Variants in KANK4 observed in about 807,000 individuals in gnomAD.
KANK4 encodes KN motif and ankyrin repeat domains 4.
In KANK4, 50 loss-of-function variants were observed where a neutral mutation model predicts 80.8. That is an observed-to-expected ratio of 0.62 (90% CI 0.49 to 0.78). The LOEUF (loss-of-function observed/expected upper bound fraction) is 0.78, where lower values mean the gene tolerates loss of function less well. Ranked by LOEUF, KANK4 falls within the 30% of genes least tolerant of loss-of-function variation. The pLI, the probability that KANK4 is intolerant of heterozygous loss-of-function variation, is 0.00. For synonymous variants in KANK4, 465 were observed against 506.9 expected, an observed-to-expected ratio of 0.92 and a Z score of 1.11; for missense variants, 1,196 against 1,240.1, an observed-to-expected ratio of 0.96 and a Z score of 0.53.
At chr1:62,250,126 T>C (rs1238396248) in intron 8 of KANK4, among the ~76,000 whole-genome samples, 5 of 152,060 alleles carry the variant, frequency 3.3e-5, no homozygotes, top group Non-Finnish European at 1.5e-5. Context: ...TAGCTGGGAA[T>C]ACAGGCGTGC....
rs548565362 is a variant in KANK4, at chr1:62,274,495, G to C, written c.609C>G (p.Thr203=). 1.2e-6 allele frequency: 2 copies of C among 1,614,204 alleles called. No homozygotes were observed. Among genetic ancestry groups the C allele is most frequent in the Admixed American group, 3.3e-5 (2 of 60,024 alleles). ...LQGEGSVCDG[T]FEPAEGLAGF... is the part of the protein sequence containing the mutation. ...CTGCCAATCCTTCTGCAGGTTCAAA[G>C]GTGCCATCACAGACACTGCCTTCAC... The change falls in exon 3 of 10, where the codon ACC becomes ACG. Residue 203 remains threonine, a synonymous_variant. Transcript: ENST00000371153.
At chr1:62,288,854 T>C (rs1427924698) in intron 1 of KANK4, among the ~76,000 whole-genome samples, 1 of 152,160 alleles carries the variant, frequency 6.6e-6, no homozygotes, top group Non-Finnish European at 1.5e-5. Context: ...AAACTGCCAA[T>C]TGCCAAATGA....
chr1:62,314,443 G>A (rs901927058), intron 1 of KANK4, among the ~76,000 whole-genome samples: 2 of 152,170 alleles, frequency 1.3e-5, no homozygotes, highest in African/African-American at 4.8e-5. Context: ...GCTGCCTGGT[G>A]CCCTGCTAGG....
At chr1:62,260,742 T>A (rs1323572678) in intron 7 of KANK4, among the ~76,000 whole-genome samples, 3 of 152,152 alleles carry the variant, frequency 2.0e-5, no homozygotes, top group African/African-American at 7.2e-5. Flanking sequence ...CAGTTGACAA[T>A]CTTTGTTTTT....
At chr1:62,307,461 G>A (rs1358484233) in intron 1 of KANK4, among the ~76,000 whole-genome samples, 8 of 114,100 alleles carry the variant, frequency 7.0e-5, no homozygotes, top group African/African-American at 2.9e-4. Context: ...CAGCCTGGGT[G>A]ACAGAAAGAG....
chr1:62,302,321 A>G (rs12044289), intron 1 of KANK4, among the ~76,000 whole-genome samples: 45,657 of 151,898 alleles, frequency 0.3, 7,590 homozygotes, highest in East Asian at 0.63. Flanking sequence ...TCTAGATGCA[A>G]GAAAGAGGAG....
At chr1:62,283,793 C>T (rs1021071602) in intron 1 of KANK4, among the ~76,000 whole-genome samples, 4 of 152,134 alleles carry the variant, frequency 2.6e-5, no homozygotes, top group African/African-American at 7.2e-5. Flanking sequence ...TTCAATCACA[C>T]GCCTAGCCTT....
At chr1:62,311,251 C>T (rs187032038) in intron 1 of KANK4, among the ~76,000 whole-genome samples, 156 of 146,634 alleles carry the variant, frequency 1.1e-3, no homozygotes, top group Admixed American at 3.2e-3. Context: ...CTCGGGTACC[C>T]TAGAGCAAGT....
At chr1:62,263,563 A>G (rs1035411350) in intron 6 of KANK4, 3 of 462,424 alleles carry the variant, frequency 6.5e-6, no homozygotes, top group African/African-American at 6.1e-5. Flanking sequence ...CAAGGCACTT[A>G]ACTGGAAAAA....
At chr1:62,292,434 G>A (rs1672698057) in intron 1 of KANK4, among the ~76,000 whole-genome samples, 1 of 152,096 alleles carries the variant, frequency 6.6e-6, no homozygotes, top group African/African-American at 2.4e-5. Flanking sequence ...CACTTGACTA[G>A]ACCAGTATTT....
At position 62,268,214 on chromosome 1, in the gene KANK4, C is replaced by T. The variant is rs944066698; in HGVS notation, c.2231+73G>A. On this transcript the variant is annotated intron_variant, in intron 5 of 9. Transcript: ENST00000371153. ...GGGTACATGAATGAACAAATGATCG[C>T]ATGAACGGGTAGATATATGCCCTTG... The T allele has an allele frequency of 8.5e-6, 10 of 1,171,812 alleles. No individual in the cohort carries two copies. In the African/African-American group the frequency reaches 1.1e-4, roughly 12 times the overall value. 72.6% of individuals were successfully genotyped at this position (1,171,812 alleles called of 1,614,324 possible).
intron 2 of KANK4, among the ~76,000 whole-genome samples, chr1:62,279,347 A>G (rs1028360215): frequency 6.6e-6 from 1 of 152,188 alleles, no homozygotes; most frequent in Non-Finnish European, 1.5e-5. Flanking sequence ...GTTTGAGCTG[A>G]TAAGCTGAGA....
intron 3 of KANK4, chr1:62,272,495 G>A (rs984471715): frequency 6.6e-6 from 1 of 152,302 alleles, no homozygotes; most frequent in Admixed American, 6.5e-5. Context: ...CACGCAGCAG[G>A]GCCATTCTTG....
Position 62,274,407 on chromosome 1 carries a change from C to T in KANK4, c.697G>A (p.Glu233Lys). The change falls in exon 3 of 10, where the codon GAG (glutamate) becomes AAG (lysine). Residue 233 changes from glutamate to lysine, a missense_variant. By Grantham distance (56) the Glu-to-Lys change is moderately conservative. This residue lies in a region of KANK4 where 1,154 missense variants were observed against 1,179.6 expected (regional missense o/e 0.98). Transcript: ENST00000371153. ...ACCTTCACCACACCCTCTGGAGGCT[C>T]AGCTCCCTCCTGGACCAGCTCTGGA... is the stretch of plus-strand genomic sequence containing the variant. ...RIPELVQEGAEPPEGVVKVPN... is the reference protein window; with the variant it reads ...RIPELVQEGAKPPEGVVKVPN... 6.2e-7 allele frequency: 1 copy of T among 1,614,216 alleles called. No individual in the cohort carries two copies. The highest frequency in any genetic ancestry group is 8.5e-7 in the Non-Finnish European group (1 of 1,180,028).
At chr1:62,245,999 T>A (rs1376499481) in intron 9 of KANK4, among the ~76,000 whole-genome samples, 2 of 152,186 alleles carry the variant, frequency 1.3e-5, no homozygotes. Flanking sequence ...GGAGCCGGGT[T>A]CCACTAGCTG....
chr1:62,266,889 C>T, intron 5 of KANK4, 70 bp from the exon 6 acceptor site: 1 of 990,556 alleles, frequency 1.0e-6, no homozygotes, highest in South Asian at 1.5e-5. Flanking sequence ...GACTTTCACT[C>T]TCCTCCTCTT....
intron 7 of KANK4, among the ~76,000 whole-genome samples, chr1:62,262,321 A>G (rs1455763554): frequency 6.6e-6 from 1 of 152,170 alleles, no homozygotes; most frequent in Non-Finnish European, 1.5e-5. Context: ...ACATCACAGG[A>G]ATGCTGTGAA....
intron 1 of KANK4, among the ~76,000 whole-genome samples, chr1:62,300,918 T>G (rs1644406772): frequency 6.6e-6 from 1 of 151,616 alleles, no homozygotes; most frequent in African/African-American, 2.4e-5. Context: ...CTTTTATTTA[T>G]TTTTTTTCTT....
At chr1:62,294,154 T>C (rs567208810) in intron 1 of KANK4, among the ~76,000 whole-genome samples, 4 of 152,320 alleles carry the variant, frequency 2.6e-5, no homozygotes, top group African/African-American at 9.6e-5. Flanking sequence ...TGATTAGTTT[T>C]CTCTTCTCCT....
Sources: allele counts gnomAD v4.1 joint callset (sites outside exome capture counted in the v4.1 genomes callset), GRCh38; gene constraint gnomAD v4.1.1; regional missense constraint gnomAD v4.1.1; transcripts MANE v1.5; gene names NCBI Gene and HGNC (gene_info 2026-07-23, HGNC 2026-07-21).